Variants in CHRM2 observed in about 807,000 individuals in gnomAD.
CHRM2 encodes cholinergic receptor muscarinic 2.
CHRM2 carries 8 observed loss-of-function variants against 25.0 expected under a neutral mutation model. The ratio of observed to expected loss-of-function variants is 0.32; its 90% CI spans 0.19 to 0.58. CHRM2 has a LOEUF of 0.58. CHRM2 is among the 20% of genes least tolerant of loss of function. The pLI, the probability that CHRM2 is intolerant of heterozygous loss-of-function variation, is 0.88. For missense variants in CHRM2, 440 were observed against 567.1 expected (o/e 0.78, Z 2.28); for synonymous variants, 202 against 205.7 (o/e 0.98, Z 0.15).
intron 2 of CHRM2, among the ~76,000 whole-genome samples, chr7:136,887,651 G>C (rs372138272): frequency 3.3e-5 from 5 of 152,106 alleles, no homozygotes; most frequent in African/African-American, 1.2e-4. Flanking sequence ...ATAATTCATT[G>C]TGAAACTCAA....
intron 2 of CHRM2, among the ~76,000 whole-genome samples, chr7:136,960,148 G>T (rs1800983333): frequency 6.6e-6 from 1 of 152,174 alleles, no homozygotes; most frequent in African/African-American, 2.4e-5. Flanking sequence ...CTCTTTACCA[G>T]TGGTCAATGG....
At chr7:136,888,678 G>C (rs1394659538) in intron 2 of CHRM2, among the ~76,000 whole-genome samples, 1 of 152,014 alleles carries the variant, frequency 6.6e-6, no homozygotes, top group African/African-American at 2.4e-5. Context: ...ATGTCTTTCA[G>C]TGGGAAACCC....
At chr7:136,999,922 G>A (rs76242450) in intron 3 of CHRM2, among the ~76,000 whole-genome samples, 2,968 of 152,166 alleles carry the variant, frequency 0.02, 99 homozygotes, top group African/African-American at 0.067. Flanking sequence ...GTGACTTCAT[G>A]AAAATTGTTA....
At chr7:136,985,900 T>G (rs1802823193) in intron 2 of CHRM2, among the ~76,000 whole-genome samples, 1 of 152,212 alleles carries the variant, frequency 6.6e-6, no homozygotes, top group African/African-American at 2.4e-5. Flanking sequence ...ACTGAGGTGA[T>G]TTTTCAACCA....
intron 2 of CHRM2, chr7:136,870,231 G>A (rs1434201335): frequency 6.6e-6 from 1 of 152,450 alleles, no homozygotes; most frequent in African/African-American, 2.4e-5. Context: ...TCGTAGACTG[G>A]GGACCGCTGC....
At chr7:136,935,037 A>G (rs1799332202) in intron 2 of CHRM2, among the ~76,000 whole-genome samples, 1 of 152,174 alleles carries the variant, frequency 6.6e-6, no homozygotes, top group South Asian at 2.1e-4. Context: ...AGGAAATGGT[A>G]TTTTAAAGAT....
At chr7:136,912,988 A>G (rs548121096) in intron 2 of CHRM2, among the ~76,000 whole-genome samples, 1 of 152,034 alleles carries the variant, frequency 6.6e-6, no homozygotes, top group East Asian at 1.9e-4. Flanking sequence ...TAGTATAATT[A>G]CTGTTTTAAT....
At position 137,019,837 on chromosome 7, in the gene CHRM2, C is replaced by T. The variant is rs1805345264; in HGVS notation, c.*3571C>T. On this transcript the variant is annotated 3_prime_UTR_variant, in exon 4 of 4. Coordinates refer to ENST00000680005, the MANE Select transcript of CHRM2 (RefSeq NM_001006630.2). ...CTCTTTGTTCATTTGCTTTTTTGAT[C>T]CTGAAGATCTGACATTGGGAGAGAT... 6.6e-6 allele frequency: 1 copy of T among 151,748 alleles called. No homozygotes were observed. Among genetic ancestry groups the T allele is most frequent in the Non-Finnish European group, 1.5e-5 (1 of 67,848 alleles). The allele number at this position is 151,748 out of a possible 1,614,324, so 9.4% of individuals were successfully genotyped here.
Position 136,902,203 on chromosome 7 carries a change from C to T in CHRM2, c.-125+32785C>T, listed in dbSNP as rs1344818582. The T allele has an allele frequency of 2.1e-5, 3 of 144,104 alleles. 1 individual carries two copies. The highest frequency in any genetic ancestry group is 1.6e-5 in the Non-Finnish European group (1 of 64,314). 8.9% of individuals were successfully genotyped at this position (144,104 alleles called of 1,614,324 possible). ...CTTTTAAACTCATCTATCTATCTAT[C>T]GATCTATCTATCCATCCATCCATCC... On this transcript the variant is annotated intron_variant, in intron 2 of 3. Transcript: ENST00000680005.
intron 2 of CHRM2, among the ~76,000 whole-genome samples, chr7:136,888,989 A>G (rs6950254): frequency 0.15 from 20,670 of 141,742 alleles, 1,980 homozygotes; most frequent in African/African-American, 0.28. Context: ...CGGAGCTTGC[A>G]GTGAGCCGAG....
intron 2 of CHRM2, among the ~76,000 whole-genome samples, chr7:136,949,619 T>C (rs919045720): frequency 1.3e-5 from 2 of 152,016 alleles, no homozygotes; most frequent in Non-Finnish European, 2.9e-5. Flanking sequence ...TAGAACAAGA[T>C]CCTGTATTGA....
At chr7:136,986,599 T>C (rs1225657696) in intron 2 of CHRM2, among the ~76,000 whole-genome samples, 1 of 152,212 alleles carries the variant, frequency 6.6e-6, no homozygotes, top group African/African-American at 2.4e-5. Flanking sequence ...GCAATTAGCA[T>C]CAACCACTTT....
chr7:136,938,212 T>G, intron 2 of CHRM2: 1 of 762,952 alleles, frequency 1.3e-6, no homozygotes, highest in Non-Finnish European at 2.4e-6. Context: ...TACTTCTCAC[T>G]CAGGGTACCT....
chr7:136,946,996 A>C (rs1327523012), intron 2 of CHRM2, among the ~76,000 whole-genome samples: 1 of 152,274 alleles, frequency 6.6e-6, no homozygotes, highest in Non-Finnish European at 1.5e-5. Context: ...GGGGAGCAAA[A>C]GGTTTAGTTA....
chr7:137,001,048 T>C (rs1464513058), intron 3 of CHRM2, among the ~76,000 whole-genome samples: 1 of 152,204 alleles, frequency 6.6e-6, no homozygotes, highest in Non-Finnish European at 1.5e-5. Context: ...AATTAAACTT[T>C]ATTCAAGAGG....
At chr7:136,954,743 G>A (rs984142438) in intron 2 of CHRM2, among the ~76,000 whole-genome samples, 3 of 152,206 alleles carry the variant, frequency 2.0e-5, no homozygotes, top group African/African-American at 7.2e-5. Flanking sequence ...GAATGATCTT[G>A]ACTACATCCA....
rs185121445 is a variant in CHRM2 at position 137,015,022 on chromosome 7, C to T, written c.157C>T (p.His53Tyr). 6.2e-7 allele frequency: 1 copy of T among 1,613,384 alleles called. No homozygotes were observed. Among genetic ancestry groups the T allele is most frequent in the Non-Finnish European group, 8.5e-7 (1 of 1,179,580 alleles). Reference sequence around the variant, plus strand: ...CATGGTTTCCATTAAAGTCAACCGCCACCTCCAGACCGTCAACAATTACTT... The same window carrying T: ...CATGGTTTCCATTAAAGTCAACCGCTACCTCCAGACCGTCAACAATTACTT... Reference protein sequence around the residue: ...LVMVSIKVNRHLQTVNNYFLF... With the variant: ...LVMVSIKVNRYLQTVNNYFLF... Residue 53 changes from histidine (H) to tyrosine (Y), a missense_variant, in exon 4 of 4, where the codon CAC becomes TAC. Transcript: ENST00000680005. The surrounding 1 kb of genome is among the most constrained non-coding windows in gnomAD (Gnocchi z 5.1).
At chr7:136,914,891 A>G (rs1005344895) in intron 2 of CHRM2, among the ~76,000 whole-genome samples, 1 of 151,942 alleles carries the variant, frequency 6.6e-6, no homozygotes, top group Non-Finnish European at 1.5e-5. Flanking sequence ...TAACTCTTAA[A>G]TACTTTTAGT....
chr7:137,019,760 G>A lies in CHRM2; in HGVS notation c.*3494G>A, dbSNP rs1563133135. On this transcript the variant is annotated 3_prime_UTR_variant, in exon 4 of 4. Transcript: ENST00000680005. ...AGTAATCAATATGAGAAGCCACAACGGGTAAGCTTTCTGATTTGAAATGTA... is the reference window on the plus strand; with the variant it reads ...AGTAATCAATATGAGAAGCCACAACAGGTAAGCTTTCTGATTTGAAATGTA... 1 of 151,778 alleles carries A rather than the reference G, an allele frequency of 6.6e-6. No individual in the cohort carries two copies. Among genetic ancestry groups the A allele is most frequent in the South Asian group, 2.1e-4 (1 of 4,822 alleles). 9.4% of individuals were successfully genotyped at this position (151,778 alleles called of 1,614,324 possible).
Sources: gnomAD v4.1 joint callset for allele counts (sites outside exome capture counted in the v4.1 genomes callset) on GRCh38, gnomAD v4.1.1 for gene constraint, Gnocchi (gnomAD v3.1) non-coding constraint, MANE v1.5 for transcripts, NCBI Gene and HGNC (gene_info 2026-07-23, HGNC 2026-07-21) for gene names.